The following GBE1 variants were observed in gnomAD, a reference collection of about 807,000 sequenced individuals.
GBE1 encodes the protein 1,4-alpha-glucan branching enzyme 1.
GBE1 carries 70 observed loss-of-function variants against 88.8 expected under a neutral mutation model. The observed-to-expected ratio is 0.79, with a 90% confidence interval of 0.65 to 0.96. The LOEUF (loss-of-function observed/expected upper bound fraction) is 0.96. Among genes scored for constraint, GBE1 ranks in the 40% least tolerant of loss-of-function variants. GBE1 has a pLI of 0.00. For synonymous variants in GBE1, 284 were observed against 300.1 expected, an observed-to-expected ratio of 0.95 and a Z score of 0.56; for missense variants, 872 against 871.0, an observed-to-expected ratio of 1.00 and a Z score of -0.01.
chr3:81,611,976 A>G (rs1477085432), intron 7 of GBE1, among the ~76,000 whole-genome samples: 1 of 152,136 alleles, frequency 6.6e-6, no homozygotes, highest in African/African-American at 2.4e-5. Context: ...CATATTGGAA[A>G]AAAGCATTTT....
At chr3:81,499,044 C>T (rs1482488765) in intron 15 of GBE1, 66 bp downstream of exon 15, 1 of 902,670 alleles carries the variant, frequency 1.1e-6, no homozygotes, top group Non-Finnish European at 1.7e-6. Context: ...TTTATTTGAA[C>T]AAAAACATTA....
At chr3:81,659,725 C>T (rs1257520335) in intron 3 of GBE1, among the ~76,000 whole-genome samples, 3 of 151,888 alleles carry the variant, frequency 2.0e-5, no homozygotes, top group Non-Finnish European at 2.9e-5. Context: ...ATAACTCAAC[C>T]CCTAAAAGAA....
At chr3:81,718,492 A>C (rs1015731081) in intron 1 of GBE1, among the ~76,000 whole-genome samples, 1 of 152,150 alleles carries the variant, frequency 6.6e-6, no homozygotes, top group African/African-American at 2.4e-5. Context: ...ACAGATGAGA[A>C]AACTGAAGAG....
chr3:81,688,716 A>G (rs1705477239), intron 2 of GBE1, among the ~76,000 whole-genome samples: 1 of 152,034 alleles, frequency 6.6e-6, no homozygotes, highest in Admixed American at 6.6e-5. Context: ...AATTGTGTAG[A>G]CCAAGATTTA....
At chr3:81,639,198 A>C (rs1026169963) in intron 7 of GBE1, among the ~76,000 whole-genome samples, 1 of 152,198 alleles carries the variant, frequency 6.6e-6, no homozygotes, top group Non-Finnish European at 1.5e-5. Context: ...TATGCATGTA[A>C]GGAATATTCA....
intron 2 of GBE1, among the ~76,000 whole-genome samples, chr3:81,684,059 G>A (rs1173495340): frequency 6.6e-6 from 1 of 152,084 alleles, no homozygotes; most frequent in Non-Finnish European, 1.5e-5. Flanking sequence ...CTTGACATTC[G>A]ACATCTAATT....
rs1179953470 is a variant in GBE1, at chr3:81,758,068, TGA to T, written c.143+3305_143+3306del. On this transcript the variant is annotated intron_variant, in intron 1 of 15. Coordinates refer to ENST00000429644, the MANE Select transcript of GBE1 (RefSeq NM_000158.4). ...GAAAAGAGGGATCCCTAAATTATCA[TGA>T]AGTTGTCTGTGAACTGGTTGAGAAC... 3.3e-5 allele frequency among the ~76,000 whole-genome samples: 5 copies of T among 152,280 alleles called. No individual in the cohort carries two copies. In the East Asian group the frequency reaches 9.7e-4, roughly 29 times the overall value.
At chr3:81,695,609 T>C (rs1705579453) in intron 2 of GBE1, among the ~76,000 whole-genome samples, 1 of 152,190 alleles carries the variant, frequency 6.6e-6, no homozygotes, top group Non-Finnish European at 1.5e-5. Flanking sequence ...TAAAAACCAC[T>C]GAAGTGTGTA....
rs1004703136 is a variant in GBE1 at position 81,753,292 on chromosome 3, A to G, written c.143+8083T>C. ...AACACAAAGGAGCCCTGGATTCAAA[A>G]CAGTGGTGAACATAAACTGATGAGC... On this transcript the variant is annotated intron_variant, in intron 1 of 15. Transcript: ENST00000429644. Among the ~76,000 whole-genome samples the G allele has an allele frequency of 6.6e-5, 10 of 152,332 alleles. No individual in the cohort carries two copies. The East Asian group carries it at 1.9e-3, about 29-fold the overall frequency.
chr3:81,633,118 T>C (rs981149144), intron 7 of GBE1, among the ~76,000 whole-genome samples: 5 of 152,178 alleles, frequency 3.3e-5, no homozygotes, highest in Non-Finnish European at 5.9e-5. Flanking sequence ...GGCACATGGT[T>C]TGGCTCATGA....
At chr3:81,653,423 G>A (rs1209153010) in intron 3 of GBE1, among the ~76,000 whole-genome samples, 1 of 151,940 alleles carries the variant, frequency 6.6e-6, no homozygotes, top group African/African-American at 2.4e-5. Context: ...GAGTTCAAGG[G>A]TACAGTGAGC....
intron 2 of GBE1, among the ~76,000 whole-genome samples, chr3:81,689,978 T>C (rs555102813): frequency 6.6e-6 from 1 of 152,260 alleles, no homozygotes; most frequent in South Asian, 2.1e-4. Context: ...ACCCTTCAAA[T>C]TGTCTGTGAG....
In GBE1 at chr3:81,591,097, G is replaced by A. The variant is rs1703871824; in HGVS notation, c.1176C>T (p.Tyr392=). ...GAACCAAATGATTTGCCAACATGAG[G>A]TAAGTCAAGGCATCTTCATCTACTT... ...GLQVDEDALT[Y]LMLANHLVHT... is the part of the protein sequence containing the mutation. The change falls in exon 9 of 16, where the codon TAC becomes TAT. Residue 392 remains tyrosine (Y), a synonymous_variant. Transcript: ENST00000429644. The A allele has an allele frequency of 3.7e-6, 6 of 1,609,406 alleles. No individual in the cohort carries two copies. The highest frequency in any genetic ancestry group is 5.1e-6 in the Non-Finnish European group (6 of 1,177,408).
At chr3:81,494,872 C>CA (rs1182204728) in intron 15 of GBE1, among the ~76,000 whole-genome samples, 1 of 152,096 alleles carries the variant, frequency 6.6e-6, no homozygotes, top group Non-Finnish European at 1.5e-5. Flanking sequence ...GTCATTCAGG[C>CA]AAAATGTTAT....
chr3:81,645,802 T>A (rs1704754814), intron 6 of GBE1, among the ~76,000 whole-genome samples: 1 of 152,212 alleles, frequency 6.6e-6, no homozygotes, highest in Non-Finnish European at 1.5e-5. Flanking sequence ...TTAAAAATAA[T>A]AATCTGTATG....
At chr3:81,549,937 C>A (rs541128210) in intron 12 of GBE1, among the ~76,000 whole-genome samples, 2 of 151,296 alleles carry the variant, frequency 1.3e-5, no homozygotes, top group South Asian at 4.2e-4. Context: ...TGAGTTTTTT[C>A]CTGCAATTTA....
chr3:81,655,908 ATAACT>A (rs1704932875), intron 3 of GBE1, among the ~76,000 whole-genome samples: 2 of 152,214 alleles, frequency 1.3e-5, no homozygotes, highest in Non-Finnish European at 2.9e-5. Context: ...AAACTTTAAA[ATAACT>A]TAATACAATT....
rs533630216 is a variant in GBE1 at position 81,761,633 on chromosome 3, TCGAGGCAAGC to T, written c.-126_-117del. ...CGGAGCCGGAGGGCGCCTAGGCGTG[TCGAGGCAAGC>T]CGAGGCGAGCCGCGGCGGTCCGGGG... On this transcript the variant is annotated 5_prime_UTR_variant, in exon 1 of 16. Coordinates refer to ENST00000429644, the MANE Select transcript of GBE1 (RefSeq NM_000158.4). 53 of 1,341,652 alleles carry T rather than the reference TCGAGGCAAGC, an allele frequency of 4.0e-5. No individual in the cohort carries two copies. Among genetic ancestry groups the T allele is most frequent in the African/African-American group, 3.3e-4 (22 of 66,188 alleles). 83.1% of individuals were successfully genotyped at this position (1,341,652 alleles called of 1,614,324 possible). A position where few individuals can be genotyped will look rare whatever the true frequency, so the allele number is the denominator to read the frequency against.
chr3:81,659,461 A>T (rs1187620579), intron 3 of GBE1, among the ~76,000 whole-genome samples: 1 of 151,206 alleles, frequency 6.6e-6, no homozygotes, highest in African/African-American at 2.4e-5. Context: ...TCAGCCTCCC[A>T]AGTAGCTGGG....
Sources: gnomAD v4.1 joint callset for allele counts (sites outside exome capture counted in the v4.1 genomes callset) on GRCh38, gnomAD v4.1.1 for gene constraint, MANE v1.5 for transcripts, NCBI Gene and HGNC (gene_info 2026-07-23, HGNC 2026-07-21) for gene names.